ZFPM2: variants seen among roughly 807,000 people sequenced by gnomAD.
ZFPM2 encodes the protein zinc finger protein ZFPM2.
In ZFPM2, 20 loss-of-function variants were observed where a neutral mutation model predicts 98.6. The ratio of observed to expected loss-of-function variants is 0.20; its 90% CI spans 0.14 to 0.29. ZFPM2 has a LOEUF of 0.29. Among genes scored for constraint, ZFPM2 ranks in the 10% least tolerant of loss-of-function variants. The probability of loss-of-function intolerance (pLI) is 1.00; values close to 1 mark genes in which losing one functional copy is unlikely to be tolerated. For missense variants in ZFPM2, 1,310 were observed against 1,388.6 expected (o/e 0.94, Z 0.90); for synonymous variants, 518 against 502.7 (o/e 1.03, Z -0.41).
chr8:105,360,025 C>T (rs557211133), intron 1 of ZFPM2, among the ~76,000 whole-genome samples: 1 of 152,286 alleles, frequency 6.6e-6, no homozygotes, highest in South Asian at 2.1e-4. Flanking sequence ...TGAAGAGCAA[C>T]CTTATTCTGG....
chr8:105,686,452 T>C (rs1217325795), intron 5 of ZFPM2, among the ~76,000 whole-genome samples: 1 of 152,110 alleles, frequency 6.6e-6, no homozygotes, highest in East Asian at 1.9e-4. Flanking sequence ...ATGGCTCTTC[T>C]CTGGCCAGCA....
chr8:105,516,349 C>G (rs1477757315), intron 3 of ZFPM2, among the ~76,000 whole-genome samples: 1 of 152,136 alleles, frequency 6.6e-6, no homozygotes, highest in Non-Finnish European at 1.5e-5. Context: ...GGAATAGATT[C>G]TGGGAAGGCA....
intron 5 of ZFPM2, among the ~76,000 whole-genome samples, chr8:105,653,816 C>T (rs1215241914): frequency 3.0e-5 from 3 of 101,578 alleles, no homozygotes; most frequent in African/African-American, 1.0e-4. Flanking sequence ...TTGAAAAGTT[C>T]TTCCTGTTTT....
chr8:105,499,708 T>C (rs1813550305), intron 3 of ZFPM2, among the ~76,000 whole-genome samples: 1 of 152,096 alleles, frequency 6.6e-6, no homozygotes, highest in Non-Finnish European at 1.5e-5. Flanking sequence ...TCACACCCTG[T>C]ATAAATTTAA....
chr8:105,782,391 A>G (rs937362666), intron 5 of ZFPM2: 10 of 152,226 alleles, frequency 6.6e-5, no homozygotes, highest in African/African-American at 2.4e-4. Flanking sequence ...ACTCACCAAT[A>G]AAGTGCTCTT....
At chr8:105,693,980 CTT>C (rs376834507) in intron 5 of ZFPM2, among the ~76,000 whole-genome samples, 59 of 118,390 alleles carry the variant, frequency 5.0e-4, no homozygotes, top group African/African-American at 2.0e-3. Flanking sequence ...TTTTTCTTTT[CTT>C]TTTTTTTTTT....
rs764330036 is a variant in ZFPM2 at position 105,802,255 on chromosome 8, A to G, written c.2173A>G (p.Lys725Glu). The change falls in exon 8 of 8, where the codon AAA becomes GAA. Residue 725 changes from lysine (K) to glutamate (E), a missense_variant. By Grantham distance (56) the Lys-to-Glu change is moderately conservative. Transcript: ENST00000407775. ...TCCACTGAAGAGGTCTGCTTCCAAC[A>G]AAGTGCCTGCCATGCAGAGAACCAT... ...DPPLKRSASNKVPAMQRTMRT... is the reference protein window; with the variant it reads ...DPPLKRSASNEVPAMQRTMRT... 15 of 1,613,788 alleles carry G rather than the reference A, an allele frequency of 9.3e-6. No homozygotes were observed. Among genetic ancestry groups the G allele is most frequent in the Non-Finnish European group, 1.3e-5 (15 of 1,179,860 alleles).
intron 5 of ZFPM2, among the ~76,000 whole-genome samples, chr8:105,661,107 T>G (rs1375061623): frequency 6.6e-6 from 1 of 152,086 alleles, no homozygotes; most frequent in African/African-American, 2.4e-5. Context: ...GGTGATACAA[T>G]AAATATCTAT....
At chr8:105,654,522 G>A (rs1239874933) in intron 5 of ZFPM2, among the ~76,000 whole-genome samples, 2 of 152,056 alleles carry the variant, frequency 1.3e-5, no homozygotes, top group African/African-American at 4.8e-5. Flanking sequence ...TTGTGCCGGA[G>A]ACACAGAGAT....
chr8:105,649,186 T>A (rs1237000580), intron 5 of ZFPM2, among the ~76,000 whole-genome samples: 6 of 152,206 alleles, frequency 3.9e-5, no homozygotes, highest in Non-Finnish European at 8.8e-5. Flanking sequence ...CTTTGTCTGC[T>A]ATTGGTGTAT....
intron 5 of ZFPM2, among the ~76,000 whole-genome samples, chr8:105,693,129 G>T (rs1810928618): frequency 6.6e-6 from 1 of 152,156 alleles, no homozygotes; most frequent in African/African-American, 2.4e-5. Context: ...AGAGAAGAAG[G>T]TTTATTTTAT....
chr8:105,764,285 CTG>C (rs1402211437), intron 5 of ZFPM2, among the ~76,000 whole-genome samples: 1 of 115,640 alleles, frequency 8.6e-6, no homozygotes, highest in Non-Finnish European at 1.7e-5. Context: ...CTCTCTCTCT[CTG>C]ACACACACAC....
chr8:105,454,810 G>T (rs762848088), intron 3 of ZFPM2, among the ~76,000 whole-genome samples: 28 of 152,096 alleles, frequency 1.8e-4, no homozygotes, highest in Non-Finnish European at 4.0e-4. Context: ...AAACTTTTTG[G>T]AATAGTGAAT....
intron 1 of ZFPM2, among the ~76,000 whole-genome samples, chr8:105,410,596 T>C (rs1686907545): frequency 6.6e-6 from 1 of 151,950 alleles, no homozygotes; most frequent in South Asian, 2.1e-4. Flanking sequence ...CTTTGTTATA[T>C]AAACATATAG....
chr8:105,654,122 A>G (rs1817237940), intron 5 of ZFPM2, among the ~76,000 whole-genome samples: 1 of 151,972 alleles, frequency 6.6e-6, no homozygotes, highest in Admixed American at 6.6e-5. Context: ...CTAAATAAGT[A>G]CTTAGGGGAA....
chr8:105,401,727 A>G (rs1243360951), intron 1 of ZFPM2, among the ~76,000 whole-genome samples: 1 of 152,108 alleles, frequency 6.6e-6, no homozygotes, highest in Non-Finnish European at 1.5e-5. Flanking sequence ...TATCACTTAC[A>G]CTTTTTATGA....
At chr8:105,534,097 CCCTTCCTCCCTTCCTTCCTCCCTT>C (rs1202109525) in intron 3 of ZFPM2, among the ~76,000 whole-genome samples, 1 of 21,932 alleles carries the variant, frequency 4.6e-5, no homozygotes, top group Admixed American at 4.7e-4. Flanking sequence ...CTCCCTCCCT[CCCTTCCTCCCTTCCTTCCTCCCTT>C]CCTTCCTCCC....
At chr8:105,435,110 A>T (rs1038571086) in intron 2 of ZFPM2, among the ~76,000 whole-genome samples, 1 of 152,236 alleles carries the variant, frequency 6.6e-6, no homozygotes, top group Non-Finnish European at 1.5e-5. Context: ...CATTTATGCT[A>T]TGCATTATAT....
chr8:105,542,607 T>C (rs1216478266), intron 3 of ZFPM2, among the ~76,000 whole-genome samples: 1 of 152,190 alleles, frequency 6.6e-6, no homozygotes, highest in East Asian at 1.9e-4. Context: ...AGCTGACTTT[T>C]TGTATCCACA....
Sources: gnomAD v4.1 joint callset for allele counts (sites outside exome capture counted in the v4.1 genomes callset) on GRCh38, gnomAD v4.1.1 for gene constraint, MANE v1.5 for transcripts, NCBI Gene and HGNC (gene_info 2026-07-23, HGNC 2026-07-21) for gene names.